UQCR11: variants seen among roughly 807,000 people sequenced by gnomAD.
The protein encoded by UQCR11 is ubiquinol-cytochrome c reductase, complex III subunit XI.
In UQCR11, 10 loss-of-function variants were observed where a neutral mutation model predicts 7.6. The observed-to-expected ratio is 1.31, with a 90% confidence interval of 0.81 to 2.22. The LOEUF (loss-of-function observed/expected upper bound fraction) is 2.22, where lower values mean the gene tolerates loss of function less well. UQCR11 is among the 30% of genes most tolerant of loss of function. UQCR11 has a pLI of 0.00. For synonymous variants in UQCR11, 34 were observed against 34.9 expected, an observed-to-expected ratio of 0.97 and a Z score of 0.09; for missense variants, 86 against 75.1, an observed-to-expected ratio of 1.15 and a Z score of -0.54.
At chr19:1,601,007 A>G (rs766647784) in intron 1 of UQCR11, among the ~76,000 whole-genome samples, 13 of 151,940 alleles carry the variant, frequency 8.6e-5, no homozygotes, top group Non-Finnish European at 1.5e-4. Flanking sequence ...CATCTCTACT[A>G]AAAATACAAA....
intron 1 of UQCR11, among the ~76,000 whole-genome samples, chr19:1,605,152 G>C (rs1015394689): frequency 4.6e-5 from 7 of 152,208 alleles, no homozygotes; most frequent in African/African-American, 1.7e-4. Context: ...GCATGCTGGG[G>C]TTTGGCCTTG....
intron 1 of UQCR11, among the ~76,000 whole-genome samples, chr19:1,599,829 T>G (rs2145619985): frequency 6.6e-6 from 1 of 152,284 alleles, no homozygotes; most frequent in East Asian, 1.9e-4. Flanking sequence ...TGTGTAGGTG[T>G]TTGTAAGTTT....
intron 1 of UQCR11, among the ~76,000 whole-genome samples, chr19:1,602,615 C>CT (rs1481412050): frequency 6.6e-6 from 1 of 152,060 alleles, no homozygotes; most frequent in Non-Finnish European, 1.5e-5. Flanking sequence ...CCGCGCCCGA[C>CT]TAATTTTTGT....
Position 1,605,461 on chromosome 19 carries a change from C to A in UQCR11, c.-52G>T, listed in dbSNP as rs529927586. 1 of 1,390,368 alleles carries A rather than the reference C, an allele frequency of 7.2e-7. No homozygotes were observed. The highest frequency in any genetic ancestry group is 9.4e-7 in the Non-Finnish European group (1 of 1,068,110). The allele number at this position is 1,390,368 out of a possible 1,614,324, so 86.1% of individuals were successfully genotyped here. Reference sequence around the variant, plus strand: ...ACCCTGTCCAGCTGACCCGGCTACACTGCGCAGGCGCGGCCGCGGCGCGCA... The same window carrying A: ...ACCCTGTCCAGCTGACCCGGCTACAATGCGCAGGCGCGGCCGCGGCGCGCA... On this transcript the variant is annotated 5_prime_UTR_variant, in exon 1 of 3. Transcript: ENST00000591899.
intron 1 of UQCR11, chr19:1,602,179 G>A (rs1420608012): frequency 2.6e-5 from 4 of 152,094 alleles, no homozygotes; most frequent in Non-Finnish European, 5.9e-5. Flanking sequence ...AAAAAAATCC[G>A]ATTCACCTCC....
At chr19:1,600,708 C>T (rs1411581046) in intron 1 of UQCR11, among the ~76,000 whole-genome samples, 2 of 152,072 alleles carry the variant, frequency 1.3e-5, no homozygotes, top group African/African-American at 4.8e-5. Context: ...CCCATCTCTA[C>T]ACAAAATTAA....
At chr19:1,600,710 C>T (rs772002841) in intron 1 of UQCR11, among the ~76,000 whole-genome samples, 2 of 151,938 alleles carry the variant, frequency 1.3e-5, no homozygotes, top group Non-Finnish European at 2.9e-5. Context: ...CATCTCTACA[C>T]AAAATTAAGA....
chr19:1,600,484 A>AT (rs1473106864), intron 1 of UQCR11, among the ~76,000 whole-genome samples: 1 of 151,588 alleles, frequency 6.6e-6, no homozygotes, highest in African/African-American at 2.4e-5. Flanking sequence ...AAGTGCTGGG[A>AT]TTACAGGCGT....
At chr19:1,603,187 C>T (rs772408198) in intron 1 of UQCR11, among the ~76,000 whole-genome samples, 99 of 152,322 alleles carry the variant, frequency 6.5e-4, no homozygotes, top group Admixed American at 1.2e-3. Context: ...TCTCCCGCTT[C>T]GTTATTTTAG....
At chr19:1,604,310 C>T (rs886651312) in intron 1 of UQCR11, among the ~76,000 whole-genome samples, 5 of 152,098 alleles carry the variant, frequency 3.3e-5, no homozygotes, top group African/African-American at 9.7e-5. Context: ...AATTCCCAGG[C>T]TCAAACGATC....
chr19:1,599,332 T>C, intron 2 of UQCR11, 80 bp downstream of exon 2: 1 of 1,551,976 alleles, frequency 6.4e-7, no homozygotes, highest in Non-Finnish European at 8.7e-7. Context: ...CCGCCCCGGC[T>C]CTGGGAGCCT....
At chr19:1,603,384 C>T (rs901452988) in intron 1 of UQCR11, among the ~76,000 whole-genome samples, 19 of 152,080 alleles carry the variant, frequency 1.2e-4, no homozygotes, top group Admixed American at 3.3e-4. Flanking sequence ...AGGTGGATCA[C>T]GAGGTCAGAA....
At chr19:1,601,417 A>G (rs2060746755) in intron 1 of UQCR11, among the ~76,000 whole-genome samples, 1 of 152,004 alleles carries the variant, frequency 6.6e-6, no homozygotes, top group African/African-American at 2.4e-5. Context: ...CCTGGCTAAC[A>G]TGGTAAAACC....
intron 1 of UQCR11, among the ~76,000 whole-genome samples, chr19:1,604,558 C>T (rs2060756234): frequency 6.6e-6 from 1 of 151,108 alleles, no homozygotes; most frequent in Non-Finnish European, 1.5e-5. Flanking sequence ...GACACAGTCT[C>T]ATTCTGTCAC....
At position 1,597,383 on chromosome 19, in the gene UQCR11, C is replaced by T. The variant is rs980573317; in HGVS notation, c.*861G>A. 6.6e-6 allele frequency: 1 copy of T among 152,100 alleles called. No homozygotes were observed. The highest frequency in any genetic ancestry group is 2.4e-5 in the African/African-American group (1 of 41,410). The allele number at this position is 152,100 out of a possible 1,614,324, so 9.4% of individuals were successfully genotyped here. ...TGACAGTTTGAAATGTCTACCAATT[C>T]TGATATTCTTCCCTTCAAAACACAG... is the stretch of plus-strand genomic sequence containing the variant. On this transcript the variant is annotated 3_prime_UTR_variant, in exon 3 of 3. Coordinates refer to ENST00000591899, the MANE Select transcript of UQCR11 (RefSeq NM_006830.4).
chr19:1,599,679 G>A (rs2145619895), intron 1 of UQCR11, 119 bp from the exon 2 acceptor site: 1 of 1,449,868 alleles, frequency 6.9e-7, no homozygotes. Flanking sequence ...TGGCACCTGT[G>A]CCCGCCCAGT....
At chr19:1,603,525 T>A (rs2060753079) in intron 1 of UQCR11, among the ~76,000 whole-genome samples, 1 of 152,084 alleles carries the variant, frequency 6.6e-6, no homozygotes, top group South Asian at 2.1e-4. Context: ...GAGAATGGCG[T>A]GAACCCGGGA....
At chr19:1,601,532 C>T (rs1024872407) in intron 1 of UQCR11, among the ~76,000 whole-genome samples, 3 of 142,034 alleles carry the variant, frequency 2.1e-5, no homozygotes, top group African/African-American at 5.3e-5. Context: ...ACCCGGGAGG[C>T]GGAGCTTGCA....
chr19:1,602,945 G>A (rs983049603), intron 1 of UQCR11, among the ~76,000 whole-genome samples: 6 of 152,298 alleles, frequency 3.9e-5, no homozygotes, highest in South Asian at 4.1e-4. Flanking sequence ...CAACGACCTC[G>A]TCGCCACGAC....
Sources: gnomAD v4.1 joint callset for allele counts (sites outside exome capture counted in the v4.1 genomes callset) on GRCh38, gnomAD v4.1.1 for gene constraint, MANE v1.5 for transcripts, NCBI Gene and HGNC (gene_info 2026-07-23, HGNC 2026-07-21) for gene names.